The following PTPRG variants were observed in gnomAD, a reference collection of about 807,000 sequenced individuals.
PTPRG encodes protein tyrosine phosphatase receptor type G.
A neutral mutation model predicts 165.3 loss-of-function variants in PTPRG; 102 were observed. The observed-to-expected ratio is 0.62, with a 90% CI of 0.53 to 0.73. PTPRG has a LOEUF of 0.73. Ranked by LOEUF, PTPRG falls within the 30% of genes least tolerant of loss-of-function variation. The pLI is 0.00. For synonymous variants in PTPRG, 675 were observed against 669.5 expected (o/e 1.01, Z -0.13); for missense variants, 1,866 against 1,861.4 (o/e 1.00, Z -0.05).
chr3:62,029,555 T>G (rs1281037855), intron 4 of PTPRG, among the ~76,000 whole-genome samples: 1 of 152,218 alleles, frequency 6.6e-6, no homozygotes, highest in Non-Finnish European at 1.5e-5. Context: ...TTATCCATCT[T>G]CATTGGAAAA....
At chr3:61,726,241 G>C (rs1302552653) in intron 1 of PTPRG, among the ~76,000 whole-genome samples, 1 of 152,144 alleles carries the variant, frequency 6.6e-6, no homozygotes, top group Non-Finnish European at 1.5e-5. Flanking sequence ...TTGTTTTGGG[G>C]CTTCCGCTTA....
At chr3:62,221,809 C>A (rs891487001) in intron 13 of PTPRG, among the ~76,000 whole-genome samples, 7 of 152,196 alleles carry the variant, frequency 4.6e-5, no homozygotes, top group African/African-American at 1.7e-4. Flanking sequence ...AGTGTGTTTT[C>A]TCCAAGTTGT....
chr3:61,702,978 C>T (rs940653797), intron 1 of PTPRG, among the ~76,000 whole-genome samples: 1 of 152,184 alleles, frequency 6.6e-6, no homozygotes. Flanking sequence ...ATGCAGTTCC[C>T]TCTGGTGCCT....
chr3:62,278,224 T>C (rs1005608073), intron 26 of PTPRG, among the ~76,000 whole-genome samples: 2 of 152,070 alleles, frequency 1.3e-5, no homozygotes, highest in African/African-American at 4.8e-5. Context: ...CATGCTTATA[T>C]AATCATTTTA....
At chr3:62,050,106 A>G (rs866667818) in intron 4 of PTPRG, among the ~76,000 whole-genome samples, 2 of 152,358 alleles carry the variant, frequency 1.3e-5, no homozygotes, top group South Asian at 4.1e-4. Flanking sequence ...TAGGTAAAAC[A>G]ATACTGTCAA....
chr3:61,678,287 C>T (rs1341007672), intron 1 of PTPRG, among the ~76,000 whole-genome samples: 5 of 152,174 alleles, frequency 3.3e-5, no homozygotes, highest in East Asian at 1.9e-4. Flanking sequence ...AGGGGTAGCC[C>T]GACGGGTTTA....
In PTPRG at chr3:62,273,999, C is replaced by T. The variant is rs376607927; in HGVS notation, c.3465+155C>T. ...CTTAAATGTGATGAAAAAGAAAATA[C>T]GGTTTTGACCTATGTATGAATTGTT... On this transcript the variant is annotated intron_variant, in intron 23 of 29. Transcript: ENST00000474889. This position sits in a 1 kb window ranked among gnomAD's most constrained non-coding sequence, Gnocchi z 4.1. 1.6e-4 allele frequency among the ~76,000 whole-genome samples: 25 copies of T among 152,128 alleles called. No individual in the cohort carries two copies. The highest frequency in any genetic ancestry group is 5.1e-4 in the African/African-American group (21 of 41,412).
intron 5 of PTPRG, among the ~76,000 whole-genome samples, chr3:62,123,087 A>G (rs1202962878): frequency 6.6e-6 from 1 of 152,222 alleles, no homozygotes; most frequent in Non-Finnish European, 1.5e-5. Context: ...CACATTTATC[A>G]TCTCAGTTTC....
At chr3:61,910,603 T>C (rs1424417643) in intron 2 of PTPRG, among the ~76,000 whole-genome samples, 1 of 152,192 alleles carries the variant, frequency 6.6e-6, no homozygotes, top group East Asian at 1.9e-4. Context: ...TAATTATGTT[T>C]AAGAAATTGA....
At chr3:61,564,321 G>C (rs1232814149) in intron 1 of PTPRG, among the ~76,000 whole-genome samples, 1 of 152,108 alleles carries the variant, frequency 6.6e-6, no homozygotes, top group Non-Finnish European at 1.5e-5. Flanking sequence ...TTGCAAATTA[G>C]AGGAATTTCC....
intron 1 of PTPRG, among the ~76,000 whole-genome samples, chr3:61,739,479 A>C (rs1204501218): frequency 5.9e-5 from 9 of 152,244 alleles, no homozygotes; most frequent in Admixed American, 5.9e-4. Flanking sequence ...GTAGCTATTC[A>C]TATTAACTCA....
Position 61,743,069 on chromosome 3 carries a change from C to CCGCGT in PTPRG, c.86-5806_86-5805insGTCGC, listed in dbSNP as rs1553658767. 1.0e-5 allele frequency: 16 copies of CCGCGT among 1,591,198 alleles called. No individual in the cohort carries two copies. The African/African-American group carries it at 2.0e-4, about 20-fold the overall frequency. On this transcript the variant is annotated intron_variant, in intron 1 of 29. Transcript: ENST00000474889. The stretch of plus-strand genomic sequence containing the variant: ...TGGTTCCGGTGCAGGACTTCCCGCA[C>CCGCGT]CGCCTCGTACAGGGTGTTGCGAGAG...
At chr3:62,121,772 A>G (rs1703082048) in intron 5 of PTPRG, among the ~76,000 whole-genome samples, 1 of 152,210 alleles carries the variant, frequency 6.6e-6, no homozygotes, top group South Asian at 2.1e-4. Flanking sequence ...TTGCTTAAAT[A>G]AGTAGACTAC....
At chr3:62,042,539 A>G (rs182054837) in intron 4 of PTPRG, among the ~76,000 whole-genome samples, 1 of 152,046 alleles carries the variant, frequency 6.6e-6, no homozygotes, top group East Asian at 1.9e-4. Flanking sequence ...TTTTGCCTGA[A>G]ATTTTCTTCC....
At chr3:62,016,290 C>T (rs1385310665) in intron 4 of PTPRG, among the ~76,000 whole-genome samples, 3 of 152,124 alleles carry the variant, frequency 2.0e-5, no homozygotes, top group African/African-American at 7.2e-5. Context: ...GCTTCTGCCT[C>T]CTGAGTAGCT....
At position 62,271,483 on chromosome 3, in the gene PTPRG, C is replaced by T; in HGVS notation, c.3110C>T (p.Pro1037Leu). The change falls in exon 21 of 30, where the codon CCA (proline) becomes CTA (leucine). Residue 1037 changes from proline to leucine, a missense_variant. Physicochemically the swap from Pro to Leu is moderately conservative, Grantham distance 98. Transcript: ENST00000474889. This position sits in a 1 kb window ranked among gnomAD's most constrained non-coding sequence, Gnocchi z 4.1. ...ATGGGAGTTCCCGAGTATGCCCTTC[C>T]AGTACTGACTTTCGTGAGGAGATCC... The part of the protein sequence containing the change: ...PDMGVPEYAL[P>L]VLTFVRRSSA... 1 of 1,614,028 alleles carries T rather than the reference C, an allele frequency of 6.2e-7. No homozygotes were observed. The highest frequency in any genetic ancestry group is 1.1e-5 in the South Asian group (1 of 91,080).
chr3:62,220,109 A>C (rs1576151176), intron 13 of PTPRG, among the ~76,000 whole-genome samples: 1 of 152,244 alleles, frequency 6.6e-6, no homozygotes. Flanking sequence ...AGGCAAGGGC[A>C]TGCCTGGTGT....
At chr3:61,851,613 T>A (rs2036966504) in intron 2 of PTPRG, among the ~76,000 whole-genome samples, 2 of 152,236 alleles carry the variant, frequency 1.3e-5, no homozygotes, top group Admixed American at 6.5e-5. Flanking sequence ...AGGTATCTAT[T>A]TTTATAGAAT....
At chr3:62,074,498 C>G (rs908201998) in intron 4 of PTPRG, among the ~76,000 whole-genome samples, 4 of 151,522 alleles carry the variant, frequency 2.6e-5, no homozygotes, top group African/African-American at 9.7e-5. Context: ...TGGGACTACA[C>G]TCACCACTCC....
Sources: allele counts gnomAD v4.1 joint callset (sites outside exome capture counted in the v4.1 genomes callset), GRCh38; gene constraint gnomAD v4.1.1; non-coding constraint Gnocchi (gnomAD v3.1); transcripts MANE v1.5; gene names NCBI Gene and HGNC (gene_info 2026-07-23, HGNC 2026-07-21).